The following MCC variants were observed in gnomAD, a reference collection of about 807,000 sequenced individuals.
The protein encoded by MCC is MCC regulator of Wnt signaling pathway, also known as colorectal mutant cancer protein.
MCC carries 90 observed loss-of-function variants against 116.2 expected under a neutral mutation model. That is an observed-to-expected ratio of 0.77 (90% confidence interval 0.65 to 0.92). The LOEUF (loss-of-function observed/expected upper bound fraction) is 0.92. Ranked by LOEUF, MCC falls within the 40% of genes least tolerant of loss-of-function variation. The pLI is 0.00. For synonymous variants in MCC, 578 were observed against 510.5 expected (o/e 1.13, Z -1.78); for missense variants, 1,516 against 1,312.2 (o/e 1.16, Z -2.40).
At chr5:113,190,894 G>T (rs1163180084) in intron 3 of MCC, among the ~76,000 whole-genome samples, 1 of 152,204 alleles carries the variant, frequency 6.6e-6, no homozygotes, top group East Asian at 1.9e-4. Context: ...CCATTACCAT[G>T]TGCATGGCCA....
intron 3 of MCC, among the ~76,000 whole-genome samples, chr5:113,282,312 C>T (rs761400372): frequency 2.6e-5 from 4 of 152,248 alleles, no homozygotes; most frequent in Non-Finnish European, 5.9e-5. Context: ...ATAAAGAAGA[C>T]GCTCCATCTT....
intron 3 of MCC, chr5:113,322,942 A>G (rs989418020): frequency 2.0e-5 from 3 of 152,282 alleles, no homozygotes; most frequent in African/African-American, 7.2e-5. Context: ...AGGATACTGC[A>G]TAAATGACAG....
chr5:113,374,049 C>T (rs937222472), intron 2 of MCC, among the ~76,000 whole-genome samples: 3 of 151,922 alleles, frequency 2.0e-5, no homozygotes, highest in Non-Finnish European at 4.4e-5. Flanking sequence ...GGCCCACAGG[C>T]GCATGCCACC....
intron 3 of MCC, among the ~76,000 whole-genome samples, chr5:113,241,224 A>C (rs1031530204): frequency 6.6e-6 from 1 of 152,256 alleles, no homozygotes; most frequent in Non-Finnish European, 1.5e-5. Context: ...GATTGACTAC[A>C]CACTTCTCAC....
intron 17 of MCC, among the ~76,000 whole-genome samples, chr5:113,038,465 G>T (rs747274998): frequency 6.6e-6 from 1 of 152,118 alleles, no homozygotes; most frequent in Admixed American, 6.5e-5. Context: ...AATGTTCCAT[G>T]GGAGAAGGAA....
chr5:113,199,267 G>A (rs1762573755), intron 3 of MCC, among the ~76,000 whole-genome samples: 2 of 152,136 alleles, frequency 1.3e-5, no homozygotes. Context: ...ATCTAGTGCC[G>A]TGTTATCTGA....
intron 3 of MCC, 31 bp from the exon 4 acceptor site, chr5:113,151,453 A>G: frequency 4.2e-6 from 5 of 1,200,382 alleles, no homozygotes; most frequent in South Asian, 2.6e-5. Context: ...AGATTAGAGT[A>G]TTGTAGCAGA....
At chr5:113,292,086 GC>G (rs1766519506) in intron 3 of MCC, among the ~76,000 whole-genome samples, 1 of 152,048 alleles carries the variant, frequency 6.6e-6, no homozygotes, top group South Asian at 2.1e-4. Flanking sequence ...AAAAAAATTA[GC>G]TGGGCGTAGT....
chr5:113,388,793 G>GA (rs1470663659), intron 1 of MCC, among the ~76,000 whole-genome samples: 5 of 152,250 alleles, frequency 3.3e-5, no homozygotes, highest in South Asian at 4.1e-4. Flanking sequence ...AGACTAACAT[G>GA]TCCCCATTTT....
chr5:113,350,239 A>G (rs1165974990), intron 2 of MCC, among the ~76,000 whole-genome samples: 4 of 152,138 alleles, frequency 2.6e-5, no homozygotes, highest in Middle Eastern at 3.2e-3. Flanking sequence ...AGCCAAAGCT[A>G]TCCTGAGGAG....
chr5:113,264,227 T>A (rs1220256386), intron 3 of MCC, among the ~76,000 whole-genome samples: 1 of 152,200 alleles, frequency 6.6e-6, no homozygotes, highest in Non-Finnish European at 1.5e-5. Context: ...CATTGACGTT[T>A]ACATACAAAG....
chr5:113,298,970 T>G (rs931230975), intron 3 of MCC, among the ~76,000 whole-genome samples: 1 of 152,080 alleles, frequency 6.6e-6, no homozygotes, highest in Non-Finnish European at 1.5e-5. Flanking sequence ...AGGTGGGACA[T>G]GCTGAACCCC....
intron 3 of MCC, among the ~76,000 whole-genome samples, chr5:113,330,526 CTGAGA>C (rs1417306976): frequency 1.3e-5 from 2 of 152,132 alleles, no homozygotes; most frequent in Admixed American, 6.6e-5. Context: ...GATGTTAATG[CTGAGA>C]TAAGTCATTG....
In MCC at chr5:113,085,262, A is replaced by G; in HGVS notation, c.1447T>C (p.Ser483Pro). Residue 483 changes from serine to proline, a missense_variant, in exon 9 of 19, where the codon TCC (serine) becomes CCC (proline). By Grantham distance (74) the Ser-to-Pro change is moderately conservative (BLOSUM62 -1). Coordinates refer to ENST00000408903, the MANE Select transcript of MCC (RefSeq NM_001085377.2). ...GTGGAAGTGAGGCGGCCAGGGCTGG[A>G]GGGACCTGTGGCCTGCACGCTCTGT... ...RLQSVQATGPSSPGRLTSTNR... is the reference protein window; with the variant it reads ...RLQSVQATGPPSPGRLTSTNR... The G allele has an allele frequency of 1.9e-6, 3 of 1,614,162 alleles. No homozygotes were observed. Among genetic ancestry groups the G allele is most frequent in the Non-Finnish European group, 1.7e-6 (2 of 1,180,032 alleles).
intron 3 of MCC, among the ~76,000 whole-genome samples, chr5:113,306,252 A>C (rs116404060): frequency 6.6e-6 from 1 of 152,148 alleles, no homozygotes; most frequent in African/African-American, 2.4e-5. Context: ...TATGTTTTCA[A>C]TTCTCTCGGG....
intron 3 of MCC, among the ~76,000 whole-genome samples, chr5:113,192,289 T>C (rs1041423471): frequency 2.0e-5 from 3 of 152,232 alleles, no homozygotes; most frequent in African/African-American, 7.2e-5. Context: ...ATGTGCAGTC[T>C]AGAAGGCTTT....
At chr5:113,029,136 G>C in intron 17 of MCC, 80 bp from the exon 18 acceptor site, 1 of 1,433,538 alleles carries the variant, frequency 7.0e-7, no homozygotes, top group Non-Finnish European at 9.4e-7. Flanking sequence ...AGTGGTGACA[G>C]AAAGAGGAAG....
chr5:113,433,921 T>A lies in MCC; in HGVS notation c.171-48709A>T. 1.9e-6 allele frequency: 3 copies of A among 1,614,016 alleles called. No individual in the cohort carries two copies. In the East Asian group the frequency reaches 6.7e-5, roughly 36 times the overall value. The stretch of plus-strand genomic sequence containing the variant: ...TCAGGCTCCAGCTTGGTGGCAGACT[T>A]CTTGTCAGAGCCAGGTTCGGGGGTC... On this transcript the variant is annotated intron_variant, in intron 1 of 18. Coordinates refer to ENST00000408903, the MANE Select transcript of MCC (RefSeq NM_001085377.2).
At chr5:113,154,993 G>A (rs941414191) in intron 3 of MCC, among the ~76,000 whole-genome samples, 14 of 152,096 alleles carry the variant, frequency 9.2e-5, no homozygotes, top group African/African-American at 3.4e-4. Flanking sequence ...CTAACTGCAT[G>A]TTTTTACCCA....
Sources: allele counts gnomAD v4.1 joint callset (sites outside exome capture counted in the v4.1 genomes callset), GRCh38; gene constraint gnomAD v4.1.1; transcripts MANE v1.5; gene names NCBI Gene and HGNC (gene_info 2026-07-23, HGNC 2026-07-21).